ANKRD46: variants seen among roughly 807,000 people sequenced by gnomAD.
ANKRD46 encodes the protein ankyrin repeat domain 46.
ANKRD46 carries 13 observed loss-of-function variants against 19.8 expected under a neutral mutation model. The ratio of observed to expected loss-of-function variants is 0.66; its 90% CI spans 0.43 to 1.04. The LOEUF is 1.04. Ranked by LOEUF, ANKRD46 falls within the 50% of genes least tolerant of loss-of-function variation. The probability of loss-of-function intolerance (pLI) is 0.00; values close to 1 mark genes in which losing one functional copy is unlikely to be tolerated. For synonymous variants in ANKRD46, 91 were observed against 106.9 expected, an observed-to-expected ratio of 0.85 and a Z score of 0.92; for missense variants, 185 against 274.8, an observed-to-expected ratio of 0.67 and a Z score of 2.31.
Position 100,528,018 on chromosome 8 carries a change from A to G in ANKRD46, c.312-15T>C. 1 of 1,544,480 alleles carries G rather than the reference A, an allele frequency of 6.5e-7. No homozygotes were observed. The highest frequency in any genetic ancestry group is 8.7e-7 in the Non-Finnish European group (1 of 1,155,746). ...CTTGATGATTGCTAAAAAAAAAAAAAAAAAAAAAAGTTTATAAAAATAAAG... is the reference window on the plus strand; with the variant it reads ...CTTGATGATTGCTAAAAAAAAAAAAGAAAAAAAAAGTTTATAAAAATAAAG... On this transcript the variant is annotated splice_polypyrimidine_tract_variant and intron_variant, in intron 3 of 4. Transcript: ENST00000335659.
In ANKRD46 at chr8:100,537,642, T is replaced by C. The variant is rs769021105; in HGVS notation, c.-130-4331A>G. Among the ~76,000 whole-genome samples the C allele has an allele frequency of 6.6e-6, 1 of 152,240 alleles. No homozygotes were observed. The highest frequency in any genetic ancestry group is 1.5e-5 in the Non-Finnish European group (1 of 68,042). Reference sequence around the variant, plus strand: ...CTTTAAAATTACTGTTCTTAAAACCTGAGCTCTGCAAAAATCCAAAGATAC... The same window carrying C: ...CTTTAAAATTACTGTTCTTAAAACCCGAGCTCTGCAAAAATCCAAAGATAC... On this transcript the variant is annotated intron_variant, in intron 1 of 4. Coordinates refer to ENST00000335659, the MANE Select transcript of ANKRD46 (RefSeq NM_001270377.2). This position sits in a 1 kb window ranked among gnomAD's most constrained non-coding sequence, Gnocchi z 4.2.
In ANKRD46 at chr8:100,534,647, C is replaced by T. The variant is rs1265227427; in HGVS notation, c.-130-1336G>A. Among the ~76,000 whole-genome samples, 1 of 152,050 alleles carries T rather than the reference C, an allele frequency of 6.6e-6. No homozygotes were observed. Among genetic ancestry groups the T allele is most frequent in the Non-Finnish European group, 1.5e-5 (1 of 68,024 alleles). ...GTTATTCTGGATGTGGTAGAGCTCA[C>T]ATTAGGGAAAAAGAAAAAATTTTGT... On this transcript the variant is annotated intron_variant, in intron 1 of 4. Transcript: ENST00000335659. The surrounding 1 kb of genome is among the most constrained non-coding windows in gnomAD (Gnocchi z 4.2).
chr8:100,556,592 C>A (rs1181133851), intron 1 of ANKRD46: 1 of 152,184 alleles, frequency 6.6e-6, no homozygotes, highest in Admixed American at 6.5e-5. Flanking sequence ...GCTGTCCATA[C>A]TGCAGTCTCC....
chr8:100,559,245 T>G lies in ANKRD46; in HGVS notation c.-131+466A>C, dbSNP rs1231926541. The G allele has an allele frequency of 1.3e-5, 2 of 151,868 alleles. No individual in the cohort carries two copies. Among genetic ancestry groups the G allele is most frequent in the Non-Finnish European group, 1.5e-5 (1 of 67,980 alleles). 9.4% of individuals were successfully genotyped at this position (151,868 alleles called of 1,614,324 possible). A position where few individuals can be genotyped will look rare whatever the true frequency, so the allele number is the denominator to read the frequency against. On this transcript the variant is annotated intron_variant, in intron 1 of 4. Coordinates refer to ENST00000335659, the MANE Select transcript of ANKRD46 (RefSeq NM_001270377.2). This position sits in a 1 kb window ranked among gnomAD's most constrained non-coding sequence, Gnocchi z 6.0. The stretch of plus-strand genomic sequence containing the variant: ...TTTTAACCCGGGCACCCCGGAGCCA[T>G]GTGCCATTCTGGAGAGCTCACTCAC...
At chr8:100,516,462 T>C (rs906718506), downstream of ANKRD46, among the ~76,000 whole-genome samples, 2 of 152,214 alleles carry the variant, frequency 1.3e-5, no homozygotes, top group African/African-American at 4.8e-5. Context: ...AATTTTATGG[T>C]AGTCCTATCA....
At position 100,523,994 on chromosome 8, in the gene ANKRD46, T is replaced by C. The variant is rs554693861; in HGVS notation, c.471-1223A>G. Reference sequence around the variant, plus strand: ...TCTTCCTATTGGTGTTAGTTCTATCTTGTACAGTAAGACAGAATATGTTCA... The same window carrying C: ...TCTTCCTATTGGTGTTAGTTCTATCCTGTACAGTAAGACAGAATATGTTCA... On this transcript the variant is annotated intron_variant, in intron 4 of 4. Transcript: ENST00000335659. Among the ~76,000 whole-genome samples, 18 of 152,348 alleles carry C rather than the reference T, an allele frequency of 1.2e-4. No homozygotes were observed. In the East Asian group the frequency reaches 3.5e-3, roughly 29 times the overall value.
intron 1 of ANKRD46, chr8:100,551,291 G>A (rs941325765): frequency 5.3e-5 from 27 of 510,330 alleles, no homozygotes; most frequent in Admixed American, 3.5e-4. Context: ...TCTTGAGGCT[G>A]TTTTCAGACT....
At position 100,527,853 on chromosome 8, in the gene ANKRD46, C is replaced by T. The variant is rs1461299849; in HGVS notation, c.462G>A (p.Glu154=). The T allele has an allele frequency of 1.2e-6, 2 of 1,613,130 alleles. No individual in the cohort carries two copies. Among genetic ancestry groups the T allele is most frequent in the Non-Finnish European group, 1.7e-6 (2 of 1,179,710 alleles). ...HSKLETMQTA[E]SESAMESHSL... is the part of the protein sequence containing the mutation. ...AGTTGTATCTCCAGTACCTTTCACT[C>T]TCAGCTGTTTGCATGGTCTCCAGTT... The change falls in exon 4 of 5, where the codon GAG becomes GAA. Residue 154 remains glutamate (E), a synonymous_variant. Coordinates refer to ENST00000335659, the MANE Select transcript of ANKRD46 (RefSeq NM_001270377.2). The surrounding 1 kb of genome is among the most constrained non-coding windows in gnomAD (Gnocchi z 4.0).
chr8:100,516,850 C>T (rs1379131464), downstream of ANKRD46, among the ~76,000 whole-genome samples: 12 of 152,300 alleles, frequency 7.9e-5, no homozygotes, highest in Admixed American at 5.9e-4. Flanking sequence ...AGTAGCTTTC[C>T]TTTATAGATC....
chr8:100,512,229 AC>A (rs1811559478), intron 5 of ANKRD46, among the ~76,000 whole-genome samples: 1 of 152,130 alleles, frequency 6.6e-6, no homozygotes, highest in Admixed American at 6.5e-5. Context: ...GAGCTCCAGG[AC>A]CCTGCTATTT....
intron 4 of ANKRD46, 93 bp from the exon 5 acceptor site, chr8:100,522,864 TAC>T (rs199938933): frequency 0.11 from 66,170 of 587,946 alleles, 1,913 homozygotes; most frequent in East Asian, 0.33. Context: ...AAAGACCAAA[TAC>T]ACACACACAC....
rs1245594656 is a variant in ANKRD46 at position 100,527,292 on chromosome 8, T to C, written c.470+553A>G. On this transcript the variant is annotated intron_variant, in intron 4 of 4. Coordinates refer to ENST00000335659, the MANE Select transcript of ANKRD46 (RefSeq NM_001270377.2). The surrounding 1 kb of genome is among the most constrained non-coding windows in gnomAD (Gnocchi z 4.0). ...ATTACTGAACTGTGCATGTGTTAAATACTATCTTGCTTTCCCTCTCTTGTT... is the reference window on the plus strand; with the variant it reads ...ATTACTGAACTGTGCATGTGTTAAACACTATCTTGCTTTCCCTCTCTTGTT... Among the ~76,000 whole-genome samples, 1 of 152,242 alleles carries C rather than the reference T, an allele frequency of 6.6e-6. No homozygotes were observed. The highest frequency in any genetic ancestry group is 1.9e-4 in the East Asian group (1 of 5,198).
In ANKRD46 at chr8:100,510,459, A is replaced by C; in HGVS notation, c.*118T>G. 1 of 972,194 alleles carries C rather than the reference A, an allele frequency of 1.0e-6. No individual in the cohort carries two copies. Among genetic ancestry groups the C allele is most frequent in the South Asian group, 1.8e-5 (1 of 54,478 alleles). 60.2% of individuals were successfully genotyped at this position (972,194 alleles called of 1,614,324 possible). A position where few individuals can be genotyped will look rare whatever the true frequency, so the allele number is the denominator to read the frequency against. On this transcript the variant is annotated 3_prime_UTR_variant, in exon 6 of 6. Transcript: ENST00000520552. This position sits in a 1 kb window ranked among gnomAD's most constrained non-coding sequence, Gnocchi z 4.9. ...TGCCTCCTAACTGCAGAGCTTTGAG[A>C]TGATGCTCCATGACACAAGTCGTGA...
intron 1 of ANKRD46, among the ~76,000 whole-genome samples, chr8:100,540,241 A>C (rs1812150304): frequency 6.6e-6 from 1 of 151,898 alleles, no homozygotes; most frequent in South Asian, 2.1e-4. Flanking sequence ...TTTTTTGTTT[A>C]ATGAATTAGC....
rs1395530061 is a variant in ANKRD46, at chr8:100,527,108, A to C, written c.470+737T>G. ...ACATCAGGAGAAAAGATGGTGCGCC[A>C]CCTTTTTGGAGCTCTCTGAACTGCA... On this transcript the variant is annotated intron_variant, in intron 4 of 4. Transcript: ENST00000335659. The surrounding 1 kb of genome is among the most constrained non-coding windows in gnomAD (Gnocchi z 4.0). 6.6e-6 allele frequency among the ~76,000 whole-genome samples: 1 copy of C among 152,180 alleles called. No homozygotes were observed. Among genetic ancestry groups the C allele is most frequent in the Admixed American group, 6.5e-5 (1 of 15,282 alleles).
At chr8:100,551,026 G>C in intron 1 of ANKRD46, 1 of 515,252 alleles carries the variant, frequency 1.9e-6, no homozygotes, top group Non-Finnish European at 3.8e-6. Context: ...GACACGGAAG[G>C]CCATGCTAGT....
In ANKRD46 at chr8:100,511,960, G is replaced by A. The variant is rs183310341; in HGVS notation, c.637-1321C>T. On this transcript the variant is annotated intron_variant, in intron 5 of 5. Coordinates refer to the ANKRD46 transcript ENST00000520552. The surrounding 1 kb of genome is among the most constrained non-coding windows in gnomAD (Gnocchi z 4.1). ...GAATTGCTTGAACCCAGGTGGCGGA[G>A]GCTGCGGTGAGCCGAGATTGTGCCA... is the stretch of plus-strand genomic sequence containing the variant. Among the ~76,000 whole-genome samples the A allele has an allele frequency of 6.6e-6, 1 of 152,324 alleles. No homozygotes were observed. Among genetic ancestry groups the A allele is most frequent in the African/African-American group, 2.4e-5 (1 of 41,574 alleles).
chr8:100,514,645 A>G (rs1359143352), intron 5 of ANKRD46, among the ~76,000 whole-genome samples: 2 of 8,148 alleles, frequency 2.5e-4, no homozygotes, highest in African/African-American at 1.1e-3. Context: ...TTTTTGAGAT[A>G]GAGTCTCACT....
rs1217551023 is a variant in ANKRD46, at chr8:100,536,833, G to T, written c.-130-3522C>A. Reference sequence around the variant, plus strand: ...GGCATTGTTAAAAGCAGAACTTTGGGGGTCAGGTTTTTGAGGGCTGGTGTA... The same window carrying T: ...GGCATTGTTAAAAGCAGAACTTTGGTGGTCAGGTTTTTGAGGGCTGGTGTA... On this transcript the variant is annotated intron_variant, in intron 1 of 4. Transcript: ENST00000335659. The surrounding 1 kb of genome is among the most constrained non-coding windows in gnomAD (Gnocchi z 4.9). Among the ~76,000 whole-genome samples the T allele has an allele frequency of 2.0e-5, 3 of 152,152 alleles. No homozygotes were observed. The highest frequency in any genetic ancestry group is 7.2e-5 in the African/African-American group (3 of 41,422).
Sources: allele counts gnomAD v4.1 joint callset (sites outside exome capture counted in the v4.1 genomes callset), GRCh38; gene constraint gnomAD v4.1.1; non-coding constraint Gnocchi (gnomAD v3.1); transcripts MANE v1.5; gene names NCBI Gene and HGNC (gene_info 2026-07-23, HGNC 2026-07-21).